The following PGD variants were observed in gnomAD, a reference collection of about 807,000 sequenced individuals.
The protein encoded by PGD is 6-phosphogluconate dehydrogenase, decarboxylating.
In PGD, 21 loss-of-function variants were observed where a neutral mutation model predicts 60.4. That is an observed-to-expected ratio of 0.35 (90% confidence interval 0.25 to 0.50). The LOEUF (loss-of-function observed/expected upper bound fraction) is 0.50, where lower values mean the gene tolerates loss of function less well. PGD is among the 20% of genes least tolerant of loss of function. The probability of loss-of-function intolerance (pLI) is 0.98; values close to 1 mark genes in which losing one functional copy is unlikely to be tolerated. For missense variants in PGD, 477 were observed against 613.1 expected (o/e 0.78, Z 2.34); for synonymous variants, 230 against 235.9 (o/e 0.97, Z 0.23).
intron 5 of PGD, among the ~76,000 whole-genome samples, chr1:10,407,131 G>A (rs1639421564): frequency 6.6e-6 from 1 of 152,104 alleles, no homozygotes; most frequent in African/African-American, 2.4e-5. Context: ...CATCAACATA[G>A]GGAGACCCCA....
intron 3 of PGD, 29 bp downstream of exon 3, chr1:10,400,601 C>A: frequency 6.5e-7 from 1 of 1,540,398 alleles, no homozygotes; most frequent in Non-Finnish European, 8.8e-7. Flanking sequence ...TCAGCTGCTA[C>A]CACGATAGCA....
At position 10,420,042 on chromosome 1, in the gene PGD, C is replaced by T. The variant is rs1159530103; in HGVS notation, c.*293C>T. 4 of 384,118 alleles carry T rather than the reference C, an allele frequency of 1.0e-5. No homozygotes were observed. The East Asian group carries it at 1.7e-4, about 16-fold the overall frequency. The allele number at this position is 384,118 out of a possible 1,614,324, so 23.8% of individuals were successfully genotyped here. A position where few individuals can be genotyped will look rare whatever the true frequency, so the allele number is the denominator to read the frequency against. On this transcript the variant is annotated 3_prime_UTR_variant, in exon 13 of 13. Coordinates refer to ENST00000270776, the MANE Select transcript of PGD (RefSeq NM_002631.4). ...CCGTGTGCTGGTGCGGTTCCCATCA[C>T]GCAGACAGGAAGGGTGTTTGCGCAC... is the stretch of plus-strand genomic sequence containing the variant.
At chr1:10,402,037 A>G (rs543085151) in intron 3 of PGD, among the ~76,000 whole-genome samples, 1 of 151,966 alleles carries the variant, frequency 6.6e-6, no homozygotes, top group Non-Finnish European at 1.5e-5. Context: ...AAATTAATTA[A>G]TTAATTAATA....
chr1:10,399,315 C>T (rs1017492104), intron 1 of PGD, among the ~76,000 whole-genome samples, 190 bp downstream of exon 1: 2 of 152,208 alleles, frequency 1.3e-5, no homozygotes, highest in African/African-American at 4.8e-5. Context: ...GGCCCCCTGC[C>T]CTCTCGGCCG....
rs2236677 is a variant in PGD at position 10,411,703 on chromosome 1, C to T, written c.654+151C>T. On this transcript the variant is annotated intron_variant, in intron 7 of 12. Transcript: ENST00000270776. Reference sequence around the variant, plus strand: ...TTGAGGGAAACTGTTAGTAATAGGCCTATACACTATGCTAGTCAGTCACTA... The same window carrying T: ...TTGAGGGAAACTGTTAGTAATAGGCTTATACACTATGCTAGTCAGTCACTA... The T allele has an allele frequency of 0.011, 8,598 of 780,410 alleles. 500 individuals are homozygous for T. In the East Asian group the frequency reaches 0.15, roughly 13 times the overall value. 48.3% of individuals were successfully genotyped at this position (780,410 alleles called of 1,614,324 possible).
chr1:10,403,815 G>A (rs1639355058), intron 4 of PGD, among the ~76,000 whole-genome samples: 1 of 152,140 alleles, frequency 6.6e-6, no homozygotes, highest in South Asian at 2.1e-4. Context: ...GTGCTGAATG[G>A]CATTAAGTTG....
At chr1:10,413,713 G>A (rs1639544994) in intron 8 of PGD, among the ~76,000 whole-genome samples, 1 of 152,116 alleles carries the variant, frequency 6.6e-6, no homozygotes, top group Non-Finnish European at 1.5e-5. Flanking sequence ...AGACCATCCT[G>A]GCTAACATGA....
chr1:10,419,647 C>T lies in PGD; in HGVS notation c.1350C>T (p.Phe450=), dbSNP rs765326865. ...TTTCCTAGGCTCAGCGGGATTACTT[C>T]GGGGCTCACACCTATGAACTCTTGG... ...ASLIQAQRDY[F]GAHTYELLAK... Residue 450 remains phenylalanine (F), a synonymous_variant, in exon 13 of 13, where the codon TTC becomes TTT. Coordinates refer to ENST00000270776, the MANE Select transcript of PGD (RefSeq NM_002631.4). 5.9e-5 allele frequency: 96 copies of T among 1,614,196 alleles called. No individual in the cohort carries two copies. Among genetic ancestry groups the T allele is most frequent in the Middle Eastern group, 1.6e-4 (1 of 6,062 alleles).
At chr1:10,417,168 G>C (rs1242624967) in intron 9 of PGD, 51 bp downstream of exon 9, 3 of 1,602,974 alleles carry the variant, frequency 1.9e-6, no homozygotes, top group African/African-American at 2.7e-5. Context: ...GGAAGGCAGT[G>C]GGGGTGGGGG....
At chr1:10,405,845 G>C (rs189000917) in intron 5 of PGD, among the ~76,000 whole-genome samples, 15 of 151,926 alleles carry the variant, frequency 9.9e-5, no homozygotes, top group Non-Finnish European at 2.2e-4. Flanking sequence ...CAGTAAAAAA[G>C]AAAAAATGAT....
rs1050573223 is a variant in PGD, at chr1:10,419,774, C to T, written c.*25C>T. ...ATCATGCTGCTCCTGTCACCCTCCACGATTCCACAGACCAGGACATTCCAT... is the reference window on the plus strand; with the variant it reads ...ATCATGCTGCTCCTGTCACCCTCCATGATTCCACAGACCAGGACATTCCAT... On this transcript the variant is annotated 3_prime_UTR_variant, in exon 13 of 13. Coordinates refer to ENST00000270776, the MANE Select transcript of PGD (RefSeq NM_002631.4). 13 of 1,613,518 alleles carry T rather than the reference C, an allele frequency of 8.1e-6. No individual in the cohort carries two copies. The highest frequency in any genetic ancestry group is 3.3e-5 in the South Asian group (3 of 91,042).
chr1:10,399,185 G>A, intron 1 of PGD, 60 bp downstream of exon 1: 2 of 1,584,220 alleles, frequency 1.3e-6, no homozygotes, highest in Admixed American at 1.7e-5. Context: ...CTCTTTGGGG[G>A]TCGAGATCTC....
chr1:10,400,183 A>G (rs567880499), intron 2 of PGD, among the ~76,000 whole-genome samples: 5 of 152,234 alleles, frequency 3.3e-5, no homozygotes, highest in South Asian at 2.1e-4. Context: ...CACCGGGGGT[A>G]GTTGGCCTTC....
Position 10,413,102 on chromosome 1 carries a change from T to C in PGD, c.695T>C (p.Leu232Pro). 1 of 1,614,200 alleles carries C rather than the reference T, an allele frequency of 6.2e-7. No homozygotes were observed. The change falls in exon 8 of 13, where the codon CTG becomes CCG. Residue 232 changes from leucine to proline, a missense_variant. Leu to Pro is a moderately conservative substitution (Grantham distance 98). Coordinates refer to ENST00000270776, the MANE Select transcript of PGD (RefSeq NM_002631.4). Reference protein sequence around the residue: ...DWNKTELDSFLIEITANILKF... With the variant: ...DWNKTELDSFPIEITANILKF... ...AATAAGACAGAGCTAGACTCATTCCTGATTGAAATCACAGCCAATATTCTC... is the reference window on the plus strand; with the variant it reads ...AATAAGACAGAGCTAGACTCATTCCCGATTGAAATCACAGCCAATATTCTC...
Position 10,413,220 on chromosome 1 carries a change from C to G in PGD, c.813C>G (p.Ala271=). The part of the protein sequence containing the change: ...KGTGKWTAIS[A]LEYGVPVTLI... ...CAGGGAAGTGGACCGCCATCTCCGC[C>G]CTGGAATACGGCGTACCCGTCACCC... Residue 271 remains alanine, a synonymous_variant, in exon 8 of 13, where the codon GCC becomes GCG. Transcript: ENST00000270776. The G allele has an allele frequency of 6.2e-7, 1 of 1,614,180 alleles. No homozygotes were observed.
intron 6 of PGD, among the ~76,000 whole-genome samples, chr1:10,410,844 T>TTATAAATATAAA (rs564899684): frequency 1.4e-4 from 21 of 151,558 alleles, no homozygotes; most frequent in African/African-American, 4.1e-4. Flanking sequence ...TGGTCTTTAT[T>TTATAAATATAAA]TATAAATATA....
At chr1:10,401,058 A>C (rs746050616) in intron 3 of PGD, among the ~76,000 whole-genome samples, 13 of 152,114 alleles carry the variant, frequency 8.5e-5, no homozygotes, top group Non-Finnish European at 5.9e-5. Flanking sequence ...TATAAAAATT[A>C]GCTGGGCTTT....
rs545944696 is a variant in PGD at position 10,399,111 on chromosome 1, C to A, written c.-7C>A. 3 of 1,609,818 alleles carry A rather than the reference C, an allele frequency of 1.9e-6. 1 individual carries two copies. The highest frequency in any genetic ancestry group is 8.5e-7 in the Non-Finnish European group (1 of 1,179,706). ...CGCCGCTCTTCGGTTCTGCTCTGTC[C>A]GCCGCCATGGCCCAGTGAGTGACTC... On this transcript the variant is annotated 5_prime_UTR_variant, in exon 1 of 13. Transcript: ENST00000270776.
At chr1:10,411,134 A>T (rs1211710226) in intron 6 of PGD, among the ~76,000 whole-genome samples, 1 of 152,164 alleles carries the variant, frequency 6.6e-6, no homozygotes, top group East Asian at 1.9e-4. Context: ...AGAGTAGAAA[A>T]TACAGGCTAG....
Sources: gnomAD v4.1 joint callset for allele counts (sites outside exome capture counted in the v4.1 genomes callset) on GRCh38, gnomAD v4.1.1 for gene constraint, MANE v1.5 for transcripts, NCBI Gene and HGNC (gene_info 2026-07-23, HGNC 2026-07-21) for gene names.